The following GALNT17 variants were observed in gnomAD, a reference collection of about 807,000 sequenced individuals.
The protein encoded by GALNT17 is polypeptide N-acetylgalactosaminyltransferase 17.
In GALNT17, 29 loss-of-function variants were observed where a neutral mutation model predicts 63.7. The ratio of observed to expected loss-of-function variants is 0.46; its 90% confidence interval spans 0.34 to 0.62. The LOEUF (loss-of-function observed/expected upper bound fraction) is 0.62, where lower values mean the gene tolerates loss of function less well. Among genes scored for constraint, GALNT17 ranks in the 20% least tolerant of loss-of-function variants. The pLI is 0.01. For missense variants in GALNT17, 603 were observed against 799.6 expected (o/e 0.75, Z 2.97); for synonymous variants, 305 against 318.3 (o/e 0.96, Z 0.45).
At chr7:71,187,633 A>G (rs559599817) in intron 1 of GALNT17, among the ~76,000 whole-genome samples, 1 of 152,252 alleles carries the variant, frequency 6.6e-6, no homozygotes, top group Non-Finnish European at 1.5e-5. Flanking sequence ...TTGTGCTTCA[A>G]AATTCAGAGG....
chr7:71,221,829 C>T (rs1041427030), intron 1 of GALNT17, among the ~76,000 whole-genome samples: 2 of 151,384 alleles, frequency 1.3e-5, no homozygotes, highest in Non-Finnish European at 2.9e-5. Flanking sequence ...TAACATCTTA[C>T]GTAACTGTGG....
chr7:71,526,532 A>G (rs1030980460), intron 5 of GALNT17, among the ~76,000 whole-genome samples: 17 of 151,504 alleles, frequency 1.1e-4, no homozygotes, highest in African/African-American at 3.9e-4. Flanking sequence ...TGATTTATTT[A>G]TTTTGGAGAC....
chr7:71,386,615 G>A lies in GALNT17; in HGVS notation c.423-1620G>A, dbSNP rs147770369. Among the ~76,000 whole-genome samples, 35 of 152,262 alleles carry A rather than the reference G, an allele frequency of 2.3e-4. No homozygotes were observed. In the Middle Eastern group the frequency reaches 0.01, roughly 44 times the overall value. ...ATCATCTCTTACATCACCTGGAGCC[G>A]TGGAGAAGGCCAAAGCTCTATGCTC... On this transcript the variant is annotated intron_variant, in intron 2 of 10. Coordinates refer to ENST00000333538, the MANE Select transcript of GALNT17 (RefSeq NM_022479.3).
At chr7:71,451,816 A>G (rs1037320933) in intron 5 of GALNT17, among the ~76,000 whole-genome samples, 2 of 152,118 alleles carry the variant, frequency 1.3e-5, no homozygotes, top group African/African-American at 4.8e-5. Context: ...AGTTATTTAG[A>G]AGTATTTTTA....
chr7:71,683,279 C>T (rs757093543), intron 9 of GALNT17, among the ~76,000 whole-genome samples: 1 of 152,098 alleles, frequency 6.6e-6, no homozygotes, highest in Non-Finnish European at 1.5e-5. Flanking sequence ...CTCCAGCTGC[C>T]AGGCGGTCCC....
chr7:71,179,598 C>G (rs1280351175), intron 1 of GALNT17, among the ~76,000 whole-genome samples: 1 of 151,738 alleles, frequency 6.6e-6, no homozygotes, highest in East Asian at 1.9e-4. Flanking sequence ...TGTGGTTTCT[C>G]ACATCCTAGG....
At chr7:71,613,309 A>T (rs1045159912) in intron 6 of GALNT17, among the ~76,000 whole-genome samples, 3 of 152,228 alleles carry the variant, frequency 2.0e-5, no homozygotes, top group African/African-American at 7.2e-5. Flanking sequence ...GTAGATGGCA[A>T]TGAGGATTTT....
intron 1 of GALNT17, chr7:71,307,723 A>G (rs1013960081): frequency 2.6e-5 from 4 of 152,398 alleles, no homozygotes; most frequent in African/African-American, 7.3e-5. Flanking sequence ...CAAGTTAAGC[A>G]TACTCATTAG....
intron 5 of GALNT17, among the ~76,000 whole-genome samples, chr7:71,488,889 C>CTTT (rs369124996): frequency 0.18 from 10,029 of 54,612 alleles, 1,738 homozygotes; most frequent in East Asian, 0.52. Flanking sequence ...GCCAGGTTTC[C>CTTT]TTTTTTTTTT....
At chr7:71,460,806 G>T (rs1766217357) in intron 5 of GALNT17, among the ~76,000 whole-genome samples, 2 of 152,272 alleles carry the variant, frequency 1.3e-5, no homozygotes, top group African/African-American at 4.8e-5. Context: ...ATGTTGCCAT[G>T]GCATTTGTAA....
chr7:71,580,392 A>G (rs11765958), intron 6 of GALNT17, among the ~76,000 whole-genome samples: 24,668 of 91,118 alleles, frequency 0.27, 2,349 homozygotes, highest in East Asian at 0.48. Flanking sequence ...ATAAATTGAT[A>G]GATGGATGAT....
intron 6 of GALNT17, among the ~76,000 whole-genome samples, chr7:71,619,328 GAATGACA>G (rs1334759641): frequency 6.6e-6 from 1 of 152,162 alleles, no homozygotes; most frequent in Non-Finnish European, 1.5e-5. Flanking sequence ...ATTCCGTGAA[GAATGACA>G]TTGGTTGTTT....
At chr7:71,470,246 G>T (rs1787605360) in intron 5 of GALNT17, among the ~76,000 whole-genome samples, 1 of 152,116 alleles carries the variant, frequency 6.6e-6, no homozygotes, top group African/African-American at 2.4e-5. Context: ...ACATAAGGTT[G>T]TAGTCCAGTT....
At chr7:71,198,689 A>G (rs1313263531) in intron 1 of GALNT17, among the ~76,000 whole-genome samples, 1 of 152,228 alleles carries the variant, frequency 6.6e-6, no homozygotes, top group African/African-American at 2.4e-5. Flanking sequence ...AAGCCATTTT[A>G]GTCTTGGTTT....
chr7:71,597,379 A>C (rs1789902534), intron 6 of GALNT17, among the ~76,000 whole-genome samples: 1 of 152,026 alleles, frequency 6.6e-6, no homozygotes, highest in East Asian at 2.0e-4. Context: ...GCAGTGGTGC[A>C]TGCCTGTAGT....
chr7:71,529,853 G>A (rs1415263022), intron 5 of GALNT17, among the ~76,000 whole-genome samples: 1 of 152,152 alleles, frequency 6.6e-6, no homozygotes, highest in Non-Finnish European at 1.5e-5. Context: ...TAAGCTAATT[G>A]TTCAATCAAG....
intron 1 of GALNT17, among the ~76,000 whole-genome samples, chr7:71,248,699 T>C (rs1380256106): frequency 6.6e-6 from 1 of 152,180 alleles, no homozygotes; most frequent in Non-Finnish European, 1.5e-5. Context: ...GTAATAATAA[T>C]AGTTTGTAAT....
chr7:71,400,287 G>A (rs752586815), intron 3 of GALNT17, among the ~76,000 whole-genome samples: 2 of 152,120 alleles, frequency 1.3e-5, no homozygotes, highest in Non-Finnish European at 2.9e-5. Flanking sequence ...TGCTCAGAAT[G>A]ATGGTTTCCA....
chr7:71,417,926 T>C (rs1786569310), intron 4 of GALNT17, among the ~76,000 whole-genome samples: 1 of 152,174 alleles, frequency 6.6e-6, no homozygotes, highest in Non-Finnish European at 1.5e-5. Context: ...CTCTCTATCT[T>C]GACCACCACT....
Sources: allele counts gnomAD v4.1 joint callset (sites outside exome capture counted in the v4.1 genomes callset), GRCh38; gene constraint gnomAD v4.1.1; transcripts MANE v1.5; gene names NCBI Gene and HGNC (gene_info 2026-07-23, HGNC 2026-07-21).